The following APH1B variants were observed in gnomAD, a reference collection of about 807,000 sequenced individuals.
APH1B encodes the protein aph-1B gamma-secretase subunit.
In APH1B, 27 loss-of-function variants were observed where a neutral mutation model predicts 28.2. The observed-to-expected ratio is 0.96, with a 90% CI of 0.70 to 1.32. APH1B has a LOEUF of 1.32. APH1B is among the 40% of genes most tolerant of loss of function. The probability of loss-of-function intolerance (pLI) is 0.00; values close to 1 mark genes in which losing one functional copy is unlikely to be tolerated. For missense variants in APH1B, 305 were observed against 313.6 expected, an observed-to-expected ratio of 0.97 and a Z score of 0.21; for synonymous variants, 141 against 124.6, an observed-to-expected ratio of 1.13 and a Z score of -0.88.
At chr15:63,301,222 CTGGAGTGAAA>C (rs1407664253) in intron 4 of APH1B, among the ~76,000 whole-genome samples, 2 of 152,214 alleles carry the variant, frequency 1.3e-5, no homozygotes, top group African/African-American at 4.8e-5. Flanking sequence ...TGCAGAATTG[CTGGAGTGAAA>C]TAGAGAATGC....
At chr15:63,281,664 T>A (rs1366408132) in intron 2 of APH1B, among the ~76,000 whole-genome samples, 1 of 152,106 alleles carries the variant, frequency 6.6e-6, no homozygotes, top group Non-Finnish European at 1.5e-5. Flanking sequence ...CTGCCTTGCA[T>A]CTTCATGGTT....
At chr15:63,284,716 G>A (rs958487269) in intron 2 of APH1B, among the ~76,000 whole-genome samples, 2 of 152,270 alleles carry the variant, frequency 1.3e-5, no homozygotes, top group African/African-American at 2.4e-5. Flanking sequence ...ACAGATAACT[G>A]TATTTTATTT....
chr15:63,300,238 A>C (rs1409750871), intron 4 of APH1B, among the ~76,000 whole-genome samples: 1 of 152,142 alleles, frequency 6.6e-6, no homozygotes, highest in Non-Finnish European at 1.5e-5. Context: ...GAACTAAAGA[A>C]AAACAGTTAA....
At chr15:63,291,758 A>T (rs1425190881) in intron 4 of APH1B, 1 of 152,186 alleles carries the variant, frequency 6.6e-6, no homozygotes, top group Admixed American at 6.5e-5. Flanking sequence ...TGTGGCTTGA[A>T]TTGGCCAATT....
intron 3 of APH1B, chr15:63,287,157 C>T: frequency 2.8e-6 from 1 of 351,212 alleles, no homozygotes; most frequent in Non-Finnish European, 5.2e-6. Context: ...TCTGTCTCAC[C>T]TATTTCTTCT....
intron 3 of APH1B, among the ~76,000 whole-genome samples, 194 bp downstream of exon 3, chr15:63,286,822 C>A (rs2038452123): frequency 6.6e-6 from 1 of 152,102 alleles, no homozygotes; most frequent in Non-Finnish European, 1.5e-5. Flanking sequence ...TGACCCTTAC[C>A]TGTATGTCCA....
Position 63,308,100 on chromosome 15 carries a change from T to A in APH1B, c.*2319T>A, listed in dbSNP as rs1440090083. 2.6e-5 allele frequency: 4 copies of A among 152,210 alleles called. No homozygotes were observed. The highest frequency in any genetic ancestry group is 2.1e-4 in the South Asian group (1 of 4,820). The allele number at this position is 152,210 out of a possible 1,614,324, so 9.4% of individuals were successfully genotyped here. ...ATATATTGAAATGCTTTTTTTTTTT[T>A]ATTTTGCATTTGTTATCTATAATGA... On this transcript the variant is annotated 3_prime_UTR_variant, in exon 6 of 6. Transcript: ENST00000261879.
chr15:63,280,177 A>G (rs551779114), intron 2 of APH1B, among the ~76,000 whole-genome samples: 132 of 152,302 alleles, frequency 8.7e-4, no homozygotes, highest in Non-Finnish European at 2.1e-4. Context: ...CTTTTGTGGT[A>G]TTTCCTGTAG....
At position 63,286,759 on chromosome 15, in the gene APH1B, T is replaced by C. The variant is rs2038451310; in HGVS notation, c.355+131T>C. The stretch of plus-strand genomic sequence containing the variant: ...GCCTTGGCCTATTGGTGTACATATT[T>C]GCTTATTATCCCCGTCTTCCAGGTT... On this transcript the variant is annotated intron_variant, in intron 3 of 5. Coordinates refer to ENST00000261879, the MANE Select transcript of APH1B (RefSeq NM_031301.4). 3.8e-6 allele frequency: 3 copies of C among 797,990 alleles called. No individual in the cohort carries two copies. In the South Asian group the frequency reaches 6.2e-5, roughly 17 times the overall value. The allele number at this position is 797,990 out of a possible 1,614,324, so 49.4% of individuals were successfully genotyped here.
intron 4 of APH1B, among the ~76,000 whole-genome samples, chr15:63,295,657 C>A (rs564250151): frequency 5.3e-5 from 8 of 152,244 alleles, no homozygotes; most frequent in African/African-American, 1.9e-4. Flanking sequence ...TGGCCTCTGT[C>A]CACTAGATGC....
At chr15:63,296,274 T>C (rs2038566701) in intron 4 of APH1B, among the ~76,000 whole-genome samples, 1 of 152,172 alleles carries the variant, frequency 6.6e-6, no homozygotes, top group East Asian at 1.9e-4. Context: ...CCCTGACCTT[T>C]CTACTACTTA....
Position 63,277,686 on chromosome 15 carries a change from T to G in APH1B, c.63T>G (p.Tyr21Ter), listed in dbSNP as rs775620188. 1 of 1,611,796 alleles carries G rather than the reference T, an allele frequency of 6.2e-7. No individual in the cohort carries two copies. Among genetic ancestry groups the G allele is most frequent in the Admixed American group, 1.7e-5 (1 of 59,762 alleles). ...CCTTCGGGCCTGCGCTCGCCCTTTA[T>G]GTCTTCACCATCGCCACCGAGCCGT... ...FIAFGPALAL[Y>*]VFTIATEPLR... Residue 21 changes from tyrosine (Y) to a stop codon, truncating the protein, a stop_gained, in exon 1 of 6, where the codon TAT (tyrosine) becomes TAG (stop). Transcript: ENST00000261879. LOFTEE classifies it high-confidence loss of function.
rs578243595 is a variant in APH1B, at chr15:63,304,193, T to G, written c.607-1421T>G. 6.6e-6 allele frequency among the ~76,000 whole-genome samples: 1 copy of G among 152,344 alleles called. No homozygotes were observed. Among genetic ancestry groups the G allele is most frequent in the Non-Finnish European group, 1.5e-5 (1 of 68,036 alleles). On this transcript the variant is annotated intron_variant, in intron 5 of 5. Transcript: ENST00000261879. This position sits in a 1 kb window ranked among gnomAD's most constrained non-coding sequence, Gnocchi z 5.1. Reference sequence around the variant, plus strand: ...TGAGCCCCATGTTGTGTGGCTCCGTTGACAGAAATACCAAAAGGCAGCACC... The same window carrying G: ...TGAGCCCCATGTTGTGTGGCTCCGTGGACAGAAATACCAAAAGGCAGCACC...
intron 5 of APH1B, among the ~76,000 whole-genome samples, chr15:63,302,921 A>G (rs1166692375): frequency 1.3e-5 from 2 of 152,184 alleles, no homozygotes; most frequent in African/African-American, 4.8e-5. Context: ...ATGGGGCCTT[A>G]TCTTCAATCT....
Position 63,302,484 on chromosome 15 carries a change from C to G in APH1B, c.606+12C>G. 1 of 1,611,624 alleles carries G rather than the reference C, an allele frequency of 6.2e-7. No individual in the cohort carries two copies. On this transcript the variant is annotated intron_variant, in intron 5 of 5. Coordinates refer to ENST00000261879, the MANE Select transcript of APH1B (RefSeq NM_031301.4). ...TGGTGTCAGCCCAGGTGAGTGTTGC[C>G]GCCATGCTCAGACTGTATTCTGGAA...
intron 4 of APH1B, among the ~76,000 whole-genome samples, chr15:63,299,303 A>C (rs1272333904): frequency 6.6e-6 from 1 of 152,212 alleles, no homozygotes; most frequent in East Asian, 1.9e-4. Flanking sequence ...AGTCAGGGCT[A>C]ATGATGTCTT....
intron 1 of APH1B, 101 bp downstream of exon 1, chr15:63,277,837 G>A (rs2038341531): frequency 8.5e-7 from 1 of 1,176,906 alleles, no homozygotes. Context: ...CGACCTTGTT[G>A]CGTTTCAGAC....
In APH1B at chr15:63,304,979, T is replaced by G. The variant is rs1380228885; in HGVS notation, c.607-635T>G. Among the ~76,000 whole-genome samples, 1 of 152,220 alleles carries G rather than the reference T, an allele frequency of 6.6e-6. No individual in the cohort carries two copies. The highest frequency in any genetic ancestry group is 6.5e-5 in the Admixed American group (1 of 15,280). ...GCCTTCTTTGACAGCCCTAAGGAGA[T>G]CACCTTGTTTTTACCCATCCTAGCC... is the stretch of plus-strand genomic sequence containing the variant. On this transcript the variant is annotated intron_variant, in intron 5 of 5. Transcript: ENST00000261879. This position sits in a 1 kb window ranked among gnomAD's most constrained non-coding sequence, Gnocchi z 5.1.
In APH1B at chr15:63,307,245, A is replaced by G. The variant is rs1352655507; in HGVS notation, c.*1464A>G. On this transcript the variant is annotated 3_prime_UTR_variant, in exon 6 of 6. Transcript: ENST00000261879. The stretch of plus-strand genomic sequence containing the variant: ...TGGGAAGAAGAATGATCATGTTTAA[A>G]GCTAACATAGCCAGTGTTTTGGGCT... 1 of 152,226 alleles carries G rather than the reference A, an allele frequency of 6.6e-6. No individual in the cohort carries two copies. The allele number at this position is 152,226 out of a possible 1,614,324, so 9.4% of individuals were successfully genotyped here.
Sources: gnomAD v4.1 joint callset for allele counts (sites outside exome capture counted in the v4.1 genomes callset) on GRCh38, gnomAD v4.1.1 for gene constraint, Gnocchi (gnomAD v3.1) non-coding constraint, MANE v1.5 for transcripts, NCBI Gene and HGNC (gene_info 2026-07-23, HGNC 2026-07-21) for gene names.